RAB14: variants seen among roughly 807,000 people sequenced by gnomAD.
RAB14 encodes ras-related protein Rab-14.
Under a neutral mutation model 31.1 loss-of-function variants are expected in RAB14, and 3 were observed. That is an observed-to-expected ratio of 0.10 (90% CI 0.04 to 0.25). RAB14 has a LOEUF of 0.25. Ranked by LOEUF, RAB14 falls within the 10% of genes least tolerant of loss-of-function variation. RAB14 has a pLI of 1.00. For synonymous variants in RAB14, 85 were observed against 84.9 expected, an observed-to-expected ratio of 1.00 and a Z score of 0.00; for missense variants, 111 against 260.1, an observed-to-expected ratio of 0.43 and a Z score of 3.94.
intron 1 of RAB14, among the ~76,000 whole-genome samples, chr9:121,201,276 G>T (rs912886781): frequency 3.3e-5 from 5 of 152,314 alleles, no homozygotes; most frequent in Non-Finnish European, 1.5e-5. Context: ...CGGCCGCGGG[G>T]AACAGCGGCG....
At position 121,185,147 on chromosome 9, in the gene RAB14, G is replaced by A. The variant is rs117864987; in HGVS notation, c.352-1749C>T. Among the ~76,000 whole-genome samples, 25 of 152,224 alleles carry A rather than the reference G, an allele frequency of 1.6e-4. 1 individual carries two copies. Among genetic ancestry groups the A allele is most frequent in the East Asian group, 9.6e-4 (5 of 5,184 alleles). ...TGGTTCTATTTCAAAGCACATAAATGAGGCAGGAAGGACACAGGGCGGTAA... is the reference window on the plus strand; with the variant it reads ...TGGTTCTATTTCAAAGCACATAAATAAGGCAGGAAGGACACAGGGCGGTAA... On this transcript the variant is annotated intron_variant, in intron 5 of 7. Coordinates refer to ENST00000373840, the MANE Select transcript of RAB14 (RefSeq NM_016322.4).
intron 1 of RAB14, among the ~76,000 whole-genome samples, chr9:121,198,011 C>T (rs1228667330): frequency 1.6e-5 from 2 of 126,238 alleles, no homozygotes; most frequent in East Asian, 5.7e-4. Context: ...ACAGCATACC[C>T]CACTTTCAAA....
Position 121,186,934 on chromosome 9 carries a change from A to C in RAB14, c.351+19T>G. On this transcript the variant is annotated intron_variant, in intron 5 of 7. Coordinates refer to ENST00000373840, the MANE Select transcript of RAB14 (RefSeq NM_016322.4). ...TTAGTTCTTAAATTTTCTGTGTAATAAGATGCCATTTAACTTACAGTATTT... is the reference window on the plus strand; with the variant it reads ...TTAGTTCTTAAATTTTCTGTGTAATCAGATGCCATTTAACTTACAGTATTT... The C allele has an allele frequency of 6.7e-7, 1 of 1,496,276 alleles. No homozygotes were observed. The allele number at this position is 1,496,276 out of a possible 1,614,324, so 92.7% of individuals were successfully genotyped here. A position where few individuals can be genotyped will look rare whatever the true frequency, so the allele number is the denominator to read the frequency against.
rs2053787957 is a variant in RAB14 at position 121,201,705 on chromosome 9, G to GC, written c.-75_-74insG. Reference sequence around the variant, plus strand: ...GGGGGCGTCAGGACCAGGAACAGGAGTGCGGACGCAGCGGGAGAGGGGGCG... The same window carrying GC: ...GGGGGCGTCAGGACCAGGAACAGGAGCTGCGGACGCAGCGGGAGAGGGGGCG... On this transcript the variant is annotated 5_prime_UTR_variant, in exon 1 of 8. Coordinates refer to ENST00000373840, the MANE Select transcript of RAB14 (RefSeq NM_016322.4). The GC allele has an allele frequency of 1.3e-5, 2 of 152,914 alleles. No individual in the cohort carries two copies. Among genetic ancestry groups the GC allele is most frequent in the African/African-American group, 4.8e-5 (2 of 41,424 alleles). 9.5% of individuals were successfully genotyped at this position (152,914 alleles called of 1,614,324 possible). A position where few individuals can be genotyped will look rare whatever the true frequency, so the allele number is the denominator to read the frequency against.
chr9:121,183,117 T>G, intron 6 of RAB14, among the ~76,000 whole-genome samples, 157 bp from the exon 7 acceptor site: 1 of 152,184 alleles, frequency 6.6e-6, no homozygotes, highest in Admixed American at 6.5e-5. Context: ...AGCATCTTTA[T>G]ATTTGTCACT....
At chr9:121,199,047 GTCT>G (rs2053734518) in intron 1 of RAB14, among the ~76,000 whole-genome samples, 1 of 151,976 alleles carries the variant, frequency 6.6e-6, no homozygotes, top group Admixed American at 6.6e-5. Context: ...AACTTTGATG[GTCT>G]TCTATATACA....
chr9:121,178,458 T>TGAA lies in RAB14; in HGVS notation c.*2935_*2937dup, dbSNP rs1343666837. On this transcript the variant is annotated 3_prime_UTR_variant, in exon 8 of 8. Transcript: ENST00000373840. ...CATGAACCCTCTCTATATTCCCACATGAAGAGGAATGGAAGGTAATTATTT... is the reference window on the plus strand; with the variant it reads ...CATGAACCCTCTCTATATTCCCACATGAAGAAGAGGAATGGAAGGTAATTATTT... The TGAA allele has an allele frequency of 6.6e-6, 1 of 152,442 alleles. No individual in the cohort carries two copies. Among genetic ancestry groups the TGAA allele is most frequent in the African/African-American group, 2.4e-5 (1 of 41,408 alleles). 9.4% of individuals were successfully genotyped at this position (152,442 alleles called of 1,614,324 possible). A position where few individuals can be genotyped will look rare whatever the true frequency, so the allele number is the denominator to read the frequency against.
rs1440193415 is a variant in RAB14 at position 121,180,458 on chromosome 9, AAG to A, written c.*936_*937del. ...AAATCAGCAGGTAAGCAACAGTGCA[AAG>A]ATGGAACAGAATCTGCTAGTGTTAA... On this transcript the variant is annotated 3_prime_UTR_variant, in exon 8 of 8. Coordinates refer to ENST00000373840, the MANE Select transcript of RAB14 (RefSeq NM_016322.4). 1 of 152,690 alleles carries A rather than the reference AAG, an allele frequency of 6.5e-6. No individual in the cohort carries two copies. The highest frequency in any genetic ancestry group is 2.4e-5 in the African/African-American group (1 of 41,474). The allele number at this position is 152,690 out of a possible 1,614,324, so 9.5% of individuals were successfully genotyped here. A position where few individuals can be genotyped will look rare whatever the true frequency, so the allele number is the denominator to read the frequency against.
intron 1 of RAB14, 69 bp from the exon 2 acceptor site, chr9:121,193,488 T>C: frequency 2.1e-6 from 2 of 967,116 alleles, no homozygotes; most frequent in Non-Finnish European, 3.2e-6. Context: ...GGATGACTGA[T>C]ATCCTTTAAA....
intron 1 of RAB14, among the ~76,000 whole-genome samples, chr9:121,198,046 C>T (rs2053728419): frequency 6.6e-6 from 1 of 151,944 alleles, no homozygotes; most frequent in South Asian, 2.1e-4. Flanking sequence ...CACACACACT[C>T]AACCCTATAT....
At chr9:121,188,361 C>T (rs72760263) in intron 4 of RAB14, among the ~76,000 whole-genome samples, 12,540 of 151,858 alleles carry the variant, frequency 0.083, 559 homozygotes, top group Non-Finnish European at 0.11. Flanking sequence ...TCAAAGCTGA[C>T]ACAGAGAGTG....
chr9:121,187,951 T>C (rs1295638294), intron 4 of RAB14, among the ~76,000 whole-genome samples: 1 of 152,016 alleles, frequency 6.6e-6, no homozygotes, highest in East Asian at 1.9e-4. Flanking sequence ...ACATGTCCTT[T>C]AAGTGTTTCT....
At chr9:121,181,632 C>A in intron 7 of RAB14, 59 bp from the exon 8 acceptor site, 7 of 1,395,758 alleles carry the variant, frequency 5.0e-6, no homozygotes, top group Non-Finnish European at 6.9e-6. Flanking sequence ...AGACAAGACA[C>A]TGACCTTTTG....
rs937777364 is a variant in RAB14 at position 121,178,721 on chromosome 9, C to A, written c.*2675G>T. The A allele has an allele frequency of 6.6e-6, 1 of 152,166 alleles. No homozygotes were observed. Among genetic ancestry groups the A allele is most frequent in the Non-Finnish European group, 1.5e-5 (1 of 68,028 alleles). 9.4% of individuals were successfully genotyped at this position (152,166 alleles called of 1,614,324 possible). A position where few individuals can be genotyped will look rare whatever the true frequency, so the allele number is the denominator to read the frequency against. On this transcript the variant is annotated 3_prime_UTR_variant, in exon 8 of 8. Coordinates refer to ENST00000373840, the MANE Select transcript of RAB14 (RefSeq NM_016322.4). ...AAATAATAAGTTACTCCATCAAACA[C>A]GTTATTATCCATAAAAAAGACTTCA...
At chr9:121,197,210 A>C (rs534568610) in intron 1 of RAB14, among the ~76,000 whole-genome samples, 23 of 152,324 alleles carry the variant, frequency 1.5e-4, no homozygotes, top group Non-Finnish European at 2.9e-4. Context: ...ATGCATAGTA[A>C]ACACTAACAA....
Position 121,179,271 on chromosome 9 carries a change from C to G in RAB14, c.*2125G>C, listed in dbSNP as rs1227731731. 1 of 152,600 alleles carries G rather than the reference C, an allele frequency of 6.6e-6. No homozygotes were observed. The highest frequency in any genetic ancestry group is 2.4e-5 in the African/African-American group (1 of 41,440). 9.5% of individuals were successfully genotyped at this position (152,600 alleles called of 1,614,324 possible). ...CCTGAAGAAAAACCCTATTATAGTT[C>G]AGAAAATAATGCAACCAATTTTAAT... On this transcript the variant is annotated 3_prime_UTR_variant, in exon 8 of 8. Coordinates refer to ENST00000373840, the MANE Select transcript of RAB14 (RefSeq NM_016322.4).
At chr9:121,200,084 G>C (rs914124192) in intron 1 of RAB14, among the ~76,000 whole-genome samples, 1 of 152,196 alleles carries the variant, frequency 6.6e-6, no homozygotes, top group African/African-American at 2.4e-5. Context: ...TAAGGACACT[G>C]AGTCCGAAAG....
At chr9:121,182,077 C>A (rs953060136) in intron 7 of RAB14, among the ~76,000 whole-genome samples, 3 of 152,148 alleles carry the variant, frequency 2.0e-5, no homozygotes, top group African/African-American at 7.2e-5. Context: ...AGCATACATA[C>A]ATACGTGTAC....
At chr9:121,195,612 A>G (rs2053711060) in intron 1 of RAB14, among the ~76,000 whole-genome samples, 1 of 152,150 alleles carries the variant, frequency 6.6e-6, no homozygotes, top group Admixed American at 6.5e-5. Flanking sequence ...TATAGTAGAA[A>G]CTATTTCCAA....
Sources: gnomAD v4.1 joint callset for allele counts (sites outside exome capture counted in the v4.1 genomes callset) on GRCh38, gnomAD v4.1.1 for gene constraint, MANE v1.5 for transcripts, NCBI Gene and HGNC (gene_info 2026-07-23, HGNC 2026-07-21) for gene names.